Variants in JCAD observed in about 807,000 individuals in gnomAD.
JCAD encodes junctional cadherin 5 associated, also known as junctional cadherin 5-associated protein.
A neutral mutation model predicts 98.0 loss-of-function variants in JCAD; 40 were observed. The observed-to-expected ratio is 0.41, with a 90% CI of 0.32 to 0.53. The LOEUF is 0.53. Ranked by LOEUF, JCAD falls within the 20% of genes least tolerant of loss-of-function variation. The pLI is 0.31. For missense variants in JCAD, 1,705 were observed against 1,738.1 expected (o/e 0.98, Z 0.34); for synonymous variants, 691 against 682.3 (o/e 1.01, Z -0.20).
chr10:30,098,926 G>A (rs1395230720), intron 1 of JCAD, among the ~76,000 whole-genome samples: 1 of 152,112 alleles, frequency 6.6e-6, no homozygotes, highest in Non-Finnish European at 1.5e-5. Context: ...TCTTGGCAAT[G>A]TACTCGCCTT....
intron 2 of JCAD, among the ~76,000 whole-genome samples, chr10:30,035,751 A>C (rs1451963969): frequency 6.6e-6 from 1 of 152,278 alleles, no homozygotes; most frequent in Non-Finnish European, 1.5e-5. Context: ...TGCTGAACAC[A>C]TTAACACAGG....
chr10:30,055,716 T>C (rs1404150509), intron 1 of JCAD, among the ~76,000 whole-genome samples: 10 of 152,238 alleles, frequency 6.6e-5, no homozygotes, highest in Non-Finnish European at 1.3e-4. Context: ...CTTAGGTTTC[T>C]TTAAGGTGAC....
At chr10:30,041,307 G>A (rs1470324088) in intron 2 of JCAD, among the ~76,000 whole-genome samples, 3 of 152,082 alleles carry the variant, frequency 2.0e-5, no homozygotes, top group Non-Finnish European at 2.9e-5. Flanking sequence ...GCTTTGCCTC[G>A]TAACAAGGTC....
chr10:30,096,523 A>G (rs1838371445), intron 1 of JCAD, among the ~76,000 whole-genome samples: 1 of 152,176 alleles, frequency 6.6e-6, no homozygotes, highest in South Asian at 2.1e-4. Flanking sequence ...TGACTTTTAT[A>G]TAACATTCAG....
chr10:30,033,761 G>C (rs1175403131), intron 2 of JCAD, among the ~76,000 whole-genome samples: 3 of 152,226 alleles, frequency 2.0e-5, no homozygotes, highest in Non-Finnish European at 4.4e-5. Context: ...GCAACAGTGC[G>C]TGAAGCCTGG....
chr10:30,048,467 T>C (rs1258969321), intron 1 of JCAD, among the ~76,000 whole-genome samples: 2 of 152,174 alleles, frequency 1.3e-5, no homozygotes, highest in Non-Finnish European at 1.5e-5. Flanking sequence ...CAACCAAAAA[T>C]AGATTTTAAC....
At chr10:30,110,745 C>T (rs1274776575) in intron 1 of JCAD, among the ~76,000 whole-genome samples, 1 of 151,700 alleles carries the variant, frequency 6.6e-6, no homozygotes, top group African/African-American at 2.4e-5. Flanking sequence ...ATGTGTGAAC[C>T]TCCTGATGAG....
chr10:30,057,488 C>A (rs890653547), intron 1 of JCAD, among the ~76,000 whole-genome samples: 30 of 152,166 alleles, frequency 2.0e-4, no homozygotes, highest in Admixed American at 9.8e-4. Context: ...AATCTGTGAC[C>A]ACTCGATGAG....
At position 30,012,837 on chromosome 10, in the gene JCAD, TA is replaced by T. The variant is rs1836446759; in HGVS notation, c.*5045del. 2 of 152,298 alleles carry T rather than the reference TA, an allele frequency of 1.3e-5. No individual in the cohort carries two copies. Among genetic ancestry groups the T allele is most frequent in the Admixed American group, 6.5e-5 (1 of 15,280 alleles). The allele number at this position is 152,298 out of a possible 1,614,324, so 9.4% of individuals were successfully genotyped here. A position where few individuals can be genotyped will look rare whatever the true frequency, so the allele number is the denominator to read the frequency against. ...AAATCTTTATTTGGAACATGTATGTTACTGAGCAGGCCAGCCGCCATCCTGA... is the reference window on the plus strand; with the variant it reads ...AAATCTTTATTTGGAACATGTATGTTCTGAGCAGGCCAGCCGCCATCCTGA... On this transcript the variant is annotated 3_prime_UTR_variant, in exon 4 of 4. Transcript: ENST00000375377.
chr10:30,028,699 C>T lies in JCAD; in HGVS notation c.1449G>A (p.Pro483=), dbSNP rs201464662. Residue 483 remains proline (P), a synonymous_variant, in exon 3 of 4, where the codon CCG becomes CCA. Coordinates refer to ENST00000375377, the MANE Select transcript of JCAD (RefSeq NM_020848.4). ...AGACCAGGCCTCTCTCATCCCCCGA[C>T]GGGGGTATTAAGCTCTGTGGATTCC... The part of the protein sequence containing the change: ...AIWNPQSLIP[P]SGDERGLVLA... 2.1e-4 allele frequency: 334 copies of T among 1,610,666 alleles called. 1 individual carries two copies. Among genetic ancestry groups the T allele is most frequent in the Middle Eastern group, 4.9e-4 (3 of 6,068 alleles).
chr10:30,048,274 T>C (rs959968491), intron 1 of JCAD, among the ~76,000 whole-genome samples: 1 of 152,198 alleles, frequency 6.6e-6, no homozygotes, highest in Non-Finnish European at 1.5e-5. Flanking sequence ...TGCTTCATGT[T>C]TCTAAAAAGA....
chr10:30,026,788 G>T lies in JCAD; in HGVS notation c.3360C>A (p.Thr1120=). 6.2e-7 allele frequency: 1 copy of T among 1,614,098 alleles called. No homozygotes were observed. The highest frequency in any genetic ancestry group is 8.5e-7 in the Non-Finnish European group (1 of 1,180,048). ...QPAEPDASAC[T]PESPQEELLS... is the part of the protein sequence containing the mutation. ...GCAACTCTTCCTGGGGGGACTCTGG[G>T]GTGCAGGCACTTGCATCGGGCTCAG... Residue 1120 remains threonine, a synonymous_variant, in exon 3 of 4, where the codon ACC becomes ACA. Coordinates refer to ENST00000375377, the MANE Select transcript of JCAD (RefSeq NM_020848.4).
At chr10:30,042,178 G>A (rs1837256210) in intron 2 of JCAD, among the ~76,000 whole-genome samples, 1 of 152,194 alleles carries the variant, frequency 6.6e-6, no homozygotes, top group South Asian at 2.1e-4. Flanking sequence ...AGGGGAAAAT[G>A]CCAAGTCTTT....
At chr10:30,064,082 G>A (rs1331168058), upstream of JCAD, among the ~76,000 whole-genome samples, 3 of 152,130 alleles carry the variant, frequency 2.0e-5, no homozygotes, top group Non-Finnish European at 4.4e-5. Flanking sequence ...TGGGATTACA[G>A]GTGAAAACCA....
chr10:30,084,099 G>GAGAAAGAGAAAGAAAA, intron 1 of JCAD, among the ~76,000 whole-genome samples: 1 of 149,498 alleles, frequency 6.7e-6, no homozygotes, highest in South Asian at 2.1e-4. Flanking sequence ...GAAAGAAAGG[G>GAGAAAGAGAAAGAAAA]AGAAAGAGAA....
chr10:30,069,010 C>T (rs1220229248), intron 2 of JCAD, among the ~76,000 whole-genome samples: 2 of 152,232 alleles, frequency 1.3e-5, no homozygotes, highest in African/African-American at 4.8e-5. Flanking sequence ...TATAGGGCAA[C>T]TGTGAGTAAC....
rs779353297 is a variant in JCAD, at chr10:30,026,256, G to T, written c.3892C>A (p.Leu1298Ile). ...CCAGGAGACACAAGGCCTCCCGGGAGCCCGGCCTGGCCCCTTGTGGTGGCC... is the reference window on the plus strand; with the variant it reads ...CCAGGAGACACAAGGCCTCCCGGGATCCCGGCCTGGCCCCTTGTGGTGGCC... ...LKATTRGQAG[L>I]PGGLVSPGSG... is the part of the protein sequence containing the mutation. Residue 1298 changes from leucine to isoleucine, a missense_variant, in exon 3 of 4, where the codon CTC becomes ATC. Physicochemically the swap from Leu to Ile is conservative, Grantham distance 5. Around this residue, in one of 3 missense-constraint regions of JCAD, gnomAD observed 1,278 missense variants for 1,243.1 expected, o/e 1.03. Transcript: ENST00000375377. The T allele has an allele frequency of 1.9e-6, 3 of 1,613,912 alleles. No individual in the cohort carries two copies. The highest frequency in any genetic ancestry group is 2.5e-6 in the Non-Finnish European group (3 of 1,180,042).
rs1174543513 is a variant in JCAD at position 30,027,504 on chromosome 10, G to A, written c.2644C>T (p.Arg882Cys). ...ACCCTCATTTCCGGGCTGTTTCCGC[G>A]GAAGCCCACATCCTCCTGTCTGCAG... The part of the protein sequence containing the change: ...AHCRQEDVGF[R>C]GNSPEMRVEP... Residue 882 changes from arginine to cysteine, a missense_variant, in exon 3 of 4, where the codon CGC becomes TGC. This residue lies in a region of JCAD where 1,278 missense variants were observed against 1,243.1 expected (regional missense o/e 1.03). Coordinates refer to ENST00000375377, the MANE Select transcript of JCAD (RefSeq NM_020848.4). 17 of 1,609,960 alleles carry A rather than the reference G, an allele frequency of 1.1e-5. No individual in the cohort carries two copies. Among genetic ancestry groups the A allele is most frequent in the Admixed American group, 1.7e-5 (1 of 60,004 alleles).
chr10:30,080,813 C>G (rs1489637066), intron 1 of JCAD, among the ~76,000 whole-genome samples: 4 of 152,270 alleles, frequency 2.6e-5, no homozygotes, highest in Non-Finnish European at 1.5e-5. Flanking sequence ...GAGCTATCCC[C>G]CAGCATTAAA....
Sources: allele counts gnomAD v4.1 joint callset (sites outside exome capture counted in the v4.1 genomes callset), GRCh38; gene constraint gnomAD v4.1.1; regional missense constraint gnomAD v4.1.1; transcripts MANE v1.5; gene names NCBI Gene and HGNC (gene_info 2026-07-23, HGNC 2026-07-21).